EFR3B: variants seen among roughly 807,000 people sequenced by gnomAD.
The protein encoded by EFR3B is protein EFR3 homolog B.
In EFR3B, 64 loss-of-function variants were observed where a neutral mutation model predicts 104.7. That is an observed-to-expected ratio of 0.61 (90% confidence interval 0.50 to 0.75). The LOEUF (loss-of-function observed/expected upper bound fraction) is 0.75. Ranked by LOEUF, EFR3B falls within the 30% of genes least tolerant of loss-of-function variation. The probability of loss-of-function intolerance (pLI) is 0.00; values close to 1 mark genes in which losing one functional copy is unlikely to be tolerated. For synonymous variants in EFR3B, 385 were observed against 417.9 expected (o/e 0.92, Z 0.96); for missense variants, 750 against 1,078.5 (o/e 0.70, Z 4.27).
intron 3 of EFR3B, among the ~76,000 whole-genome samples, chr2:25,095,369 A>G (rs1280142003): frequency 3.9e-5 from 6 of 152,176 alleles, no homozygotes; most frequent in Admixed American, 1.3e-4. Flanking sequence ...ATCAACAACA[A>G]CAACAAATCT....
At chr2:25,117,247 C>T (rs1669888299) in intron 4 of EFR3B, among the ~76,000 whole-genome samples, 1 of 152,082 alleles carries the variant, frequency 6.6e-6, no homozygotes, top group African/African-American at 2.4e-5. Flanking sequence ...CTCAGACTGG[C>T]CCACTGAGAT....
rs567942233 is a variant in EFR3B, at chr2:25,131,779, C to T, written c.1015C>T (p.Leu339=). 1.3e-6 allele frequency: 2 copies of T among 1,540,234 alleles called. No homozygotes were observed. The highest frequency in any genetic ancestry group is 2.7e-5 in the African/African-American group (2 of 72,752). Residue 339 remains leucine, a synonymous_variant, in exon 10 of 23, where the codon CTG becomes TTG. Coordinates refer to ENST00000403714, the MANE Select transcript of EFR3B (RefSeq NM_014971.2). This position sits in a 1 kb window ranked among gnomAD's most constrained non-coding sequence, Gnocchi z 7.6. ...CACAGTACTGGAGATGTTCAACACG[C>T]TGCTGAGGCAGCTGCGGCTCAGCAT... ...GPTVLEMFNT[L]LRQLRLSIDY...
rs1335099773 is a variant in EFR3B, at chr2:25,154,458, A to G, written c.*118A>G. 3 of 958,196 alleles carry G rather than the reference A, an allele frequency of 3.1e-6. No individual in the cohort carries two copies. In the East Asian group the frequency reaches 8.0e-5, roughly 26 times the overall value. The allele number at this position is 958,196 out of a possible 1,614,324, so 59.4% of individuals were successfully genotyped here. On this transcript the variant is annotated 3_prime_UTR_variant, in exon 23 of 23. Transcript: ENST00000403714. This position sits in a 1 kb window ranked among gnomAD's most constrained non-coding sequence, Gnocchi z 4.1. ...CTGAGAAAACATCACCTTAGATGGC[A>G]GCGCCTCCCAGGCTAAGCCAAGGTG...
chr2:25,117,627 G>T (rs1461947273), intron 4 of EFR3B, among the ~76,000 whole-genome samples: 1 of 152,056 alleles, frequency 6.6e-6, no homozygotes, highest in Non-Finnish European at 1.5e-5. Flanking sequence ...GGGCAGGCTG[G>T]TCTCGAACTC....
At chr2:25,077,200 A>G (rs1346649280) in intron 1 of EFR3B, among the ~76,000 whole-genome samples, 1 of 152,224 alleles carries the variant, frequency 6.6e-6, no homozygotes, top group African/African-American at 2.4e-5. Context: ...ACTCAGAATA[A>G]TGAAAAACTG....
intron 12 of EFR3B, 83 bp downstream of exon 12, chr2:25,133,517 C>G (rs927021375): frequency 9.7e-5 from 134 of 1,384,296 alleles, no homozygotes; most frequent in Admixed American, 9.8e-5. Flanking sequence ...CCTCCACATA[C>G]AGTCGTGCAT....
At position 25,121,700 on chromosome 2, in the gene EFR3B, G is replaced by A; in HGVS notation, c.391G>A (p.Asp131Asn). The A allele has an allele frequency of 6.4e-7, 1 of 1,551,702 alleles. No homozygotes were observed. The highest frequency in any genetic ancestry group is 8.7e-7 in the Non-Finnish European group (1 of 1,146,986). The change falls in exon 5 of 23, where the codon GAC becomes AAC. Residue 131 changes from aspartate to asparagine, a missense_variant. Asp to Asn is a conservative substitution (Grantham distance 23). Transcript: ENST00000403714. ...SFVKFANIEEDTPSYHRSYDF... is the reference protein window; with the variant it reads ...SFVKFANIEENTPSYHRSYDF... ...TGTGAAGTTTGCCAACATCGAGGAG[G>A]ACACCCCGTCCTATCACCGGAGCTA...
intron 16 of EFR3B, among the ~76,000 whole-genome samples, chr2:25,140,193 G>A (rs1320522288): frequency 6.6e-6 from 1 of 152,072 alleles, no homozygotes; most frequent in Non-Finnish European, 1.5e-5. Context: ...CACACCTGTA[G>A]TCCCAGCTAC....
intron 4 of EFR3B, among the ~76,000 whole-genome samples, chr2:25,111,471 C>T (rs839652): frequency 0.37 from 56,006 of 151,958 alleles, 12,305 homozygotes; most frequent in Admixed American, 0.53. Context: ...TGTCACTCCA[C>T]CTCTTCCCAC....
intron 17 of EFR3B, among the ~76,000 whole-genome samples, chr2:25,143,410 G>C (rs1642456788): frequency 6.6e-6 from 1 of 152,232 alleles, no homozygotes; most frequent in Non-Finnish European, 1.5e-5. Flanking sequence ...TGTAATCCCA[G>C]CATTTTGGGA....
chr2:25,132,711 A>C (rs1649374797), intron 10 of EFR3B, among the ~76,000 whole-genome samples, 192 bp from the exon 11 acceptor site: 1 of 151,824 alleles, frequency 6.6e-6, no homozygotes, highest in Admixed American at 6.6e-5. Context: ...CCTGGAAGAG[A>C]CCTCCAAAAC....
chr2:25,134,205 G>A (rs1211424152), intron 12 of EFR3B, among the ~76,000 whole-genome samples: 1 of 143,498 alleles, frequency 7.0e-6, no homozygotes, highest in African/African-American at 2.6e-5. Flanking sequence ...TTGAGATGGA[G>A]TTTCGCTCTT....
intron 12 of EFR3B, among the ~76,000 whole-genome samples, chr2:25,134,932 T>C (rs1415932894): frequency 6.6e-6 from 1 of 152,238 alleles, no homozygotes; most frequent in Non-Finnish European, 1.5e-5. Context: ...GGCATATCTA[T>C]TTATGCCAAA....
intron 1 of EFR3B, among the ~76,000 whole-genome samples, chr2:25,045,810 G>C (rs879265577): frequency 2.0e-5 from 3 of 151,848 alleles, no homozygotes; most frequent in Non-Finnish European, 4.4e-5. Context: ...ATATAGCTAA[G>C]AGTTTCCCTG....
chr2:25,071,410 G>A (rs528614777), intron 1 of EFR3B, among the ~76,000 whole-genome samples: 64 of 151,576 alleles, frequency 4.2e-4, no homozygotes, highest in African/African-American at 1.5e-3. Context: ...ACAGGTTCAC[G>A]CCACCACACC....
chr2:25,157,307 T>C lies in EFR3B; in HGVS notation c.*2967T>C, dbSNP rs956666773. ...GAGTAGAACCTGGATTCTGGCCAAA[T>C]AGGCCAGAATCGGAAAGGTGAAGGT... On this transcript the variant is annotated 3_prime_UTR_variant, in exon 23 of 23. Transcript: ENST00000403714. The C allele has an allele frequency of 6.6e-6, 1 of 152,116 alleles. No homozygotes were observed. The highest frequency in any genetic ancestry group is 2.4e-5 in the African/African-American group (1 of 41,396). 9.4% of individuals were successfully genotyped at this position (152,116 alleles called of 1,614,324 possible). A position where few individuals can be genotyped will look rare whatever the true frequency, so the allele number is the denominator to read the frequency against.
chr2:25,147,958 G>A (rs764618668), intron 19 of EFR3B: 2 of 149,762 alleles, frequency 1.3e-5, no homozygotes, highest in East Asian at 4.0e-4. Context: ...CCAGGAGGTG[G>A]AGGTTGTAGT....
intron 4 of EFR3B, among the ~76,000 whole-genome samples, chr2:25,106,392 T>A (rs1455885209): frequency 6.6e-6 from 1 of 151,708 alleles, no homozygotes; most frequent in African/African-American, 2.4e-5. Context: ...GAGGTTCAAG[T>A]GATTCTTCTA....
At chr2:25,080,930 C>T in intron 1 of EFR3B, 1 of 769,926 alleles carries the variant, frequency 1.3e-6, no homozygotes, top group South Asian at 1.4e-5. Flanking sequence ...GTGGAAATCC[C>T]ATCTTCTGTT....
Sources: allele counts gnomAD v4.1 joint callset (sites outside exome capture counted in the v4.1 genomes callset), GRCh38; gene constraint gnomAD v4.1.1; non-coding constraint Gnocchi (gnomAD v3.1); transcripts MANE v1.5; gene names NCBI Gene and HGNC (gene_info 2026-07-23, HGNC 2026-07-21).